The following ZNF804B variants were observed in gnomAD, a reference collection of about 807,000 sequenced individuals.
ZNF804B encodes zinc finger 804B.
A neutral mutation model predicts 101.4 loss-of-function variants in ZNF804B; 80 were observed. The ratio of observed to expected loss-of-function variants is 0.79; its 90% CI spans 0.66 to 0.95. ZNF804B has a LOEUF of 0.95. ZNF804B is among the 40% of genes least tolerant of loss of function. ZNF804B has a pLI of 0.00. For missense variants in ZNF804B, 1,673 were observed against 1,561.9 expected (o/e 1.07, Z -1.20); for synonymous variants, 622 against 558.8 (o/e 1.11, Z -1.59).
At chr7:89,260,809 A>C (rs1640053031) in intron 2 of ZNF804B, among the ~76,000 whole-genome samples, 1 of 152,178 alleles carries the variant, frequency 6.6e-6, no homozygotes, top group Admixed American at 6.5e-5. Flanking sequence ...AAAAGTAGGC[A>C]GCTACAGCTG....
intron 1 of ZNF804B, among the ~76,000 whole-genome samples, chr7:88,934,708 A>C (rs1792940399): frequency 6.6e-6 from 1 of 151,918 alleles, no homozygotes; most frequent in Non-Finnish European, 1.5e-5. Context: ...TTACTCCTGC[A>C]AAAGTGGTAA....
intron 1 of ZNF804B, among the ~76,000 whole-genome samples, chr7:88,844,419 A>G (rs1273862025): frequency 6.6e-6 from 1 of 152,188 alleles, no homozygotes; most frequent in East Asian, 1.9e-4. Flanking sequence ...GACTAGTTGA[A>G]GAGAAAGTTC....
At chr7:89,325,427 C>G (rs1043370568) in intron 2 of ZNF804B, among the ~76,000 whole-genome samples, 5 of 151,906 alleles carry the variant, frequency 3.3e-5, no homozygotes, top group African/African-American at 1.2e-4. Context: ...AAGCACTTGT[C>G]TGTCTTCCTT....
intron 1 of ZNF804B, chr7:88,794,505 C>A (rs756770295): frequency 2.5e-6 from 4 of 1,613,628 alleles, no homozygotes; most frequent in Non-Finnish European, 3.4e-6. Context: ...CTGAAACATG[C>A]CATTGCATAA....
intron 1 of ZNF804B, among the ~76,000 whole-genome samples, chr7:89,017,447 C>T (rs1194634901): frequency 6.6e-6 from 1 of 152,142 alleles, no homozygotes; most frequent in African/African-American, 2.4e-5. Flanking sequence ...AGTTTTTGCC[C>T]ATTCAGTATG....
At position 88,762,518 on chromosome 7, in the gene ZNF804B, A is replaced by G. The variant is rs4728770; in HGVS notation, c.108+2434A>G. 4.7e-3 allele frequency among the ~76,000 whole-genome samples: 711 copies of G among 152,288 alleles called. 26 individuals are homozygous for G. Among genetic ancestry groups the G allele is most frequent in the Admixed American group, 0.042 (649 of 15,282 alleles). ...GTGTGTTTGCCTTCCTTACTAATTAATTGCAAAATATGAAACTGTAAACTG... is the reference window on the plus strand; with the variant it reads ...GTGTGTTTGCCTTCCTTACTAATTAGTTGCAAAATATGAAACTGTAAACTG... On this transcript the variant is annotated intron_variant, in intron 1 of 3. Coordinates refer to ENST00000333190, the MANE Select transcript of ZNF804B (RefSeq NM_181646.5).
chr7:88,946,437 TG>T (rs1793129799), intron 1 of ZNF804B, among the ~76,000 whole-genome samples: 1 of 152,138 alleles, frequency 6.6e-6, no homozygotes, highest in South Asian at 2.1e-4. Context: ...ATCCCAGGGA[TG>T]AAGCCGACTT....
intron 2 of ZNF804B, among the ~76,000 whole-genome samples, chr7:89,239,750 T>C (rs1789338575): frequency 6.6e-6 from 1 of 151,718 alleles, no homozygotes; most frequent in Admixed American, 6.6e-5. Context: ...GCCTATAATT[T>C]TACTCACTTT....
chr7:89,313,332 C>T (rs572197382), intron 2 of ZNF804B, among the ~76,000 whole-genome samples: 32 of 152,222 alleles, frequency 2.1e-4, no homozygotes, highest in African/African-American at 7.2e-4. Flanking sequence ...GGAAATTATC[C>T]TGGGATCTGT....
chr7:89,314,605 A>G (rs1263936383), intron 2 of ZNF804B, among the ~76,000 whole-genome samples: 1 of 152,194 alleles, frequency 6.6e-6, no homozygotes, highest in Non-Finnish European at 1.5e-5. Context: ...CAAACGATTT[A>G]CTTTTCCAAA....
intron 1 of ZNF804B, among the ~76,000 whole-genome samples, chr7:89,031,710 C>A (rs1185471596): frequency 6.7e-6 from 1 of 150,366 alleles, no homozygotes; most frequent in South Asian, 2.1e-4. Context: ...ATAACTAATA[C>A]CCAAGTCCCT....
chr7:89,261,725 T>C (rs1329393060), intron 2 of ZNF804B, among the ~76,000 whole-genome samples: 2 of 152,172 alleles, frequency 1.3e-5, no homozygotes, highest in Non-Finnish European at 2.9e-5. Context: ...TTGCAGGCAA[T>C]TGTAACACAA....
At chr7:89,218,482 A>G (rs1256727378) in intron 2 of ZNF804B, among the ~76,000 whole-genome samples, 187 bp downstream of exon 2, 3 of 152,138 alleles carry the variant, frequency 2.0e-5, no homozygotes, top group Admixed American at 1.3e-4. Context: ...TCCTAGAACT[A>G]CTATAAAGCT....
chr7:89,327,421 A>C lies in ZNF804B; in HGVS notation c.327A>C (p.Glu109Asp). 1 of 1,611,700 alleles carries C rather than the reference A, an allele frequency of 6.2e-7. No individual in the cohort carries two copies. The highest frequency in any genetic ancestry group is 8.5e-7 in the Non-Finnish European group (1 of 1,178,656). The change falls in exon 3 of 4, where the codon GAA becomes GAC. Residue 109 changes from glutamate to aspartate, a missense_variant. Transcript: ENST00000333190. ...CATGGAAAGATGAGAAAAAACAAGA[A>C]AAAGCACTTAAACGACTTCATCAGC... is the stretch of plus-strand genomic sequence containing the variant. The part of the protein sequence containing the change: ...SKSWKDEKKQ[E>D]KALKRLHQLA...
chr7:88,965,609 T>C (rs939671463), intron 1 of ZNF804B, among the ~76,000 whole-genome samples: 26 of 151,476 alleles, frequency 1.7e-4, no homozygotes, highest in African/African-American at 6.3e-4. Context: ...TGTTTCTGTC[T>C]GTATGAATTG....
intron 1 of ZNF804B, among the ~76,000 whole-genome samples, chr7:89,199,013 A>G (rs1466858551): frequency 1.3e-5 from 2 of 151,908 alleles, no homozygotes; most frequent in African/African-American, 2.4e-5. Flanking sequence ...CTAAAAGGCC[A>G]TGATTAAGTG....
intron 2 of ZNF804B, among the ~76,000 whole-genome samples, chr7:89,269,952 T>G (rs945162154): frequency 6.6e-6 from 1 of 152,208 alleles, no homozygotes; most frequent in African/African-American, 2.4e-5. Context: ...TCTTTGTAGA[T>G]TCTGGATATT....
chr7:89,008,284 A>T (rs1200756702), intron 1 of ZNF804B, among the ~76,000 whole-genome samples: 2 of 152,092 alleles, frequency 1.3e-5, no homozygotes, highest in African/African-American at 4.8e-5. Flanking sequence ...TACACAAAAA[A>T]CCAAACAGAT....
chr7:89,265,289 T>TGTGCGC lies in ZNF804B; in HGVS notation c.249+46997_249+46998insCGCGTG, dbSNP rs1554386370. Among the ~76,000 whole-genome samples, 3 of 118,548 alleles carry TGTGCGC rather than the reference T, an allele frequency of 2.5e-5. No homozygotes were observed. The East Asian group carries it at 1.0e-3, about 39-fold the overall frequency. 77.8% of individuals were successfully genotyped at this position (118,548 alleles called of 152,430 possible). A position where few individuals can be genotyped will look rare whatever the true frequency, so the allele number is the denominator to read the frequency against. ...CAGTGTGTGTGTGTGTGTGTGTGTG[T>TGTGCGC]GTGTGCGCGTGCGCGCGCGCACACA... On this transcript the variant is annotated intron_variant, in intron 2 of 3. Transcript: ENST00000333190.
Sources: allele counts gnomAD v4.1 joint callset (sites outside exome capture counted in the v4.1 genomes callset), GRCh38; gene constraint gnomAD v4.1.1; transcripts MANE v1.5; gene names NCBI Gene and HGNC (gene_info 2026-07-23, HGNC 2026-07-21).